Variants in FHIT observed in about 807,000 individuals in gnomAD.
FHIT encodes the protein fragile histidine triad diadenosine triphosphatase.
In FHIT, 19 loss-of-function variants were observed where a neutral mutation model predicts 17.9. The observed-to-expected ratio is 1.06, with a 90% CI of 0.74 to 1.56. FHIT has a LOEUF of 1.56. Among genes scored for constraint, FHIT ranks in the 40% most tolerant of loss-of-function variants. FHIT has a pLI of 0.00. For missense variants in FHIT, 248 were observed against 189.2 expected (o/e 1.31, Z -1.82); for synonymous variants, 81 against 69.7 (o/e 1.16, Z -0.81).
chr3:60,580,059 T>C (rs1355235139), intron 4 of FHIT, among the ~76,000 whole-genome samples: 1 of 152,160 alleles, frequency 6.6e-6, no homozygotes, highest in Non-Finnish European at 1.5e-5. Context: ...TGCACATCTC[T>C]CATTGGTGAT....
intron 5 of FHIT, among the ~76,000 whole-genome samples, chr3:60,181,613 G>A (rs377701884): frequency 6.6e-6 from 1 of 152,176 alleles, no homozygotes; most frequent in African/African-American, 2.4e-5. Context: ...TAGAGTTTAG[G>A]TTGTTAGTAA....
At chr3:60,142,682 C>CTT (rs1299728953) in intron 5 of FHIT, among the ~76,000 whole-genome samples, 1 of 138,956 alleles carries the variant, frequency 7.2e-6, no homozygotes, top group Non-Finnish European at 1.6e-5. Flanking sequence ...TTTTGCGTTT[C>CTT]TTTTTTTTTT....
chr3:60,118,550 T>G (rs544694380), intron 5 of FHIT, among the ~76,000 whole-genome samples: 3 of 152,074 alleles, frequency 2.0e-5, no homozygotes, highest in Non-Finnish European at 4.4e-5. Flanking sequence ...CTTCCTACAG[T>G]GCTTTCTTCA....
At chr3:59,759,886 C>T (rs183129933) in intron 8 of FHIT, among the ~76,000 whole-genome samples, 104 of 152,272 alleles carry the variant, frequency 6.8e-4, no homozygotes, top group Admixed American at 1.2e-3. Context: ...CTTGTGATAC[C>T]TTAGAACGCT....
At chr3:60,157,558 G>T (rs1016290112) in intron 5 of FHIT, among the ~76,000 whole-genome samples, 4 of 152,184 alleles carry the variant, frequency 2.6e-5, no homozygotes, top group African/African-American at 9.6e-5. Context: ...AGGCAGCAGT[G>T]AGCTTCGAGG....
At chr3:61,207,662 G>A (rs563101813) in intron 1 of FHIT, among the ~76,000 whole-genome samples, 13 of 152,272 alleles carry the variant, frequency 8.5e-5, no homozygotes, top group African/African-American at 3.1e-4. Flanking sequence ...GATCGGTGTT[G>A]ATATCCCCTT....
chr3:60,864,072 C>A (rs1275238624), intron 3 of FHIT, among the ~76,000 whole-genome samples: 1 of 152,094 alleles, frequency 6.6e-6, no homozygotes, highest in African/African-American at 2.4e-5. Flanking sequence ...TGGTGGCAGG[C>A]AAGAGAGCAT....
chr3:59,982,657 A>G (rs1708705245), intron 7 of FHIT, among the ~76,000 whole-genome samples: 1 of 152,184 alleles, frequency 6.6e-6, no homozygotes, highest in African/African-American at 2.4e-5. Flanking sequence ...GAAAGGGATG[A>G]AGTTCTGAGC....
chr3:59,764,106 A>G (rs111354455), intron 8 of FHIT, among the ~76,000 whole-genome samples: 4 of 152,288 alleles, frequency 2.6e-5, no homozygotes, highest in African/African-American at 9.6e-5. Flanking sequence ...TTGGGGCTCA[A>G]TGTTTGCTTA....
intron 3 of FHIT, among the ~76,000 whole-genome samples, chr3:60,845,965 A>G (rs9857504): frequency 0.027 from 4,101 of 152,316 alleles, 167 homozygotes; most frequent in African/African-American, 0.093. Context: ...TCAGAGAAAA[A>G]TAAAAGAAAA....
intron 3 of FHIT, among the ~76,000 whole-genome samples, chr3:61,014,636 C>T (rs1442722298): frequency 6.6e-6 from 1 of 150,742 alleles, no homozygotes; most frequent in Non-Finnish European, 1.5e-5. Flanking sequence ...AAAAATTAGC[C>T]AGGCGTGGTG....
At chr3:61,234,656 C>T (rs1356150569) in intron 1 of FHIT, among the ~76,000 whole-genome samples, 1 of 152,092 alleles carries the variant, frequency 6.6e-6, no homozygotes, top group Non-Finnish European at 1.5e-5. Flanking sequence ...TTGAGTATTT[C>T]TATATTTTTT....
intron 2 of FHIT, among the ~76,000 whole-genome samples, chr3:61,177,117 C>T (rs2038181558): frequency 1.3e-5 from 2 of 150,520 alleles, no homozygotes; most frequent in Non-Finnish European, 2.9e-5. Context: ...GCGGAGCTTG[C>T]AGTGAGCCGA....
chr3:61,035,155 G>A (rs2033180765), intron 3 of FHIT, among the ~76,000 whole-genome samples: 1 of 152,162 alleles, frequency 6.6e-6, no homozygotes, highest in Admixed American at 6.5e-5. Flanking sequence ...AGGAGAAGCT[G>A]CATTGAAATG....
chr3:60,815,506 T>C (rs1701710402), intron 4 of FHIT, among the ~76,000 whole-genome samples: 1 of 152,100 alleles, frequency 6.6e-6, no homozygotes, highest in African/African-American at 2.4e-5. Flanking sequence ...CCTTTCTCCA[T>C]TGCTTTTGTT....
rs541154743 is a variant in FHIT at position 60,674,483 on chromosome 3, G to A, written c.-17-137504C>T. ...TTTTGTTGTATGCTAAACACAGGGC[G>A]ACACATTTAGGGAATCTGCATTATA... On this transcript the variant is annotated intron_variant, in intron 4 of 9. Transcript: ENST00000492590. Among the ~76,000 whole-genome samples the A allele has an allele frequency of 2.1e-4, 32 of 152,222 alleles. No homozygotes were observed. In the South Asian group the frequency reaches 6.2e-3, roughly 30 times the overall value.
chr3:61,039,139 G>T (rs1025465006), intron 3 of FHIT, among the ~76,000 whole-genome samples: 5 of 152,114 alleles, frequency 3.3e-5, no homozygotes, highest in African/African-American at 7.2e-5. Flanking sequence ...ACAATTGGCC[G>T]CAATTTCCAA....
intron 4 of FHIT, among the ~76,000 whole-genome samples, chr3:60,725,945 T>C (rs180859011): frequency 3.0e-4 from 46 of 152,272 alleles, no homozygotes; most frequent in Admixed American, 2.5e-3. Flanking sequence ...AAAAAAATTT[T>C]CCTTAGGTCA....
chr3:60,529,367 C>T (rs944086009), intron 5 of FHIT, among the ~76,000 whole-genome samples: 4 of 152,078 alleles, frequency 2.6e-5, no homozygotes, highest in Admixed American at 6.5e-5. Flanking sequence ...AAAAAATCCA[C>T]GTATATGTAC....
Sources: allele counts gnomAD v4.1 joint callset (sites outside exome capture counted in the v4.1 genomes callset), GRCh38; gene constraint gnomAD v4.1.1; transcripts MANE v1.5; gene names NCBI Gene and HGNC (gene_info 2026-07-23, HGNC 2026-07-21).